The following KIAA1671 variants were observed in gnomAD, a reference collection of about 807,000 sequenced individuals.
The protein encoded by KIAA1671 is KIAA1671.
In KIAA1671, 52 loss-of-function variants were observed where a neutral mutation model predicts 131.2. That is an observed-to-expected ratio of 0.40 (90% CI 0.32 to 0.50). The LOEUF (loss-of-function observed/expected upper bound fraction) is 0.50. KIAA1671 is among the 20% of genes least tolerant of loss of function. KIAA1671 has a pLI of 0.73. For synonymous variants in KIAA1671, 1,003 were observed against 961.6 expected, an observed-to-expected ratio of 1.04 and a Z score of -0.80; for missense variants, 2,360 against 2,364.2, an observed-to-expected ratio of 1.00 and a Z score of 0.04.
intron 6 of KIAA1671, among the ~76,000 whole-genome samples, chr22:25,153,794 C>G (rs1933130643): frequency 6.6e-6 from 1 of 152,210 alleles, no homozygotes. Flanking sequence ...ATCCCAGAGG[C>G]CTTTGGGAGC....
Position 25,004,187 on chromosome 22 carries a change from C to T in KIAA1671, c.-207-21446C>T, listed in dbSNP as rs149866924. On this transcript the variant is annotated intron_variant, in intron 1 of 12. Transcript: ENST00000358431. Reference sequence around the variant, plus strand: ...GTGTTGTGCAGTGGTTTTATCGTAGCTCACTGCAGCCTTGAACTCCTGGGC... The same window carrying T: ...GTGTTGTGCAGTGGTTTTATCGTAGTTCACTGCAGCCTTGAACTCCTGGGC... Among the ~76,000 whole-genome samples, 191 of 151,768 alleles carry T rather than the reference C, an allele frequency of 1.3e-3. 1 individual carries two copies. The highest frequency in any genetic ancestry group is 1.9e-3 in the Non-Finnish European group (126 of 67,972).
chr22:25,072,935 G>A (rs539270755), intron 6 of KIAA1671, among the ~76,000 whole-genome samples: 6 of 152,298 alleles, frequency 3.9e-5, no homozygotes, highest in South Asian at 2.1e-4. Context: ...TTGAACATGC[G>A]TTCATCCATC....
intron 1 of KIAA1671, among the ~76,000 whole-genome samples, chr22:24,977,351 C>T (rs987747402): frequency 6.6e-6 from 1 of 152,212 alleles, no homozygotes; most frequent in East Asian, 1.9e-4. Flanking sequence ...TGGCCCATGC[C>T]TGTTACCATG....
Position 25,049,328 on chromosome 22 carries a change from C to T in KIAA1671, c.4494C>T (p.His1498=), listed in dbSNP as rs1256513235. ...TGGCCTCGGTTCCCTGGAGAAGCCA[C>T]AGCTTCTGCAAAGACAGGAGGAGTG... ...SPVASVPWRS[H]SFCKDRRSGP... is the part of the protein sequence containing the mutation. The change falls in exon 6 of 13, where the codon CAC becomes CAT. Residue 1498 remains histidine (H), a synonymous_variant. Coordinates refer to ENST00000358431, the MANE Select transcript of KIAA1671 (RefSeq NM_001145206.2). 18 of 1,551,538 alleles carry T rather than the reference C, an allele frequency of 1.2e-5. 1 individual carries two copies. The Admixed American group carries it at 2.0e-4, about 17-fold the overall frequency.
intron 6 of KIAA1671, among the ~76,000 whole-genome samples, chr22:25,066,066 A>G (rs1357680021): frequency 6.6e-6 from 1 of 151,998 alleles, no homozygotes; most frequent in Non-Finnish European, 1.5e-5. Context: ...GGTGTTGTCT[A>G]GGTTTTCTCA....
chr22:25,112,999 C>T (rs1431380327), intron 6 of KIAA1671, among the ~76,000 whole-genome samples: 1 of 152,060 alleles, frequency 6.6e-6, no homozygotes, highest in Non-Finnish European at 1.5e-5. Flanking sequence ...TGTGAGTGGG[C>T]CAGGGAGGGA....
At chr22:25,059,748 T>G (rs575364596) in intron 6 of KIAA1671, 14 of 152,298 alleles carry the variant, frequency 9.2e-5, no homozygotes, top group African/African-American at 3.1e-4. Flanking sequence ...GCTGGACAGC[T>G]TGTGTGGCAA....
chr22:25,047,904 T>G (rs2145818143), intron 5 of KIAA1671, among the ~76,000 whole-genome samples: 1 of 152,400 alleles, frequency 6.6e-6, no homozygotes, highest in Non-Finnish European at 1.5e-5. Context: ...GCCTAGCTCT[T>G]GAAGATTTAC....
At chr22:25,072,744 T>C (rs1352260738) in intron 6 of KIAA1671, among the ~76,000 whole-genome samples, 1 of 152,178 alleles carries the variant, frequency 6.6e-6, no homozygotes, top group East Asian at 1.9e-4. Flanking sequence ...ATTTGCTTCT[T>C]GGGGCAATTC....
chr22:25,100,772 T>C (rs1406943946), intron 6 of KIAA1671, among the ~76,000 whole-genome samples: 1 of 152,124 alleles, frequency 6.6e-6, no homozygotes, highest in East Asian at 1.9e-4. Flanking sequence ...AGGCTAGGGA[T>C]TGGGTCTTTG....
chr22:24,956,890 A>G (rs1436270273), intron 1 of KIAA1671, among the ~76,000 whole-genome samples: 1 of 145,526 alleles, frequency 6.9e-6, no homozygotes, highest in Non-Finnish European at 1.5e-5. Context: ...AAAAAAAAAG[A>G]AGGGAGGGAG....
intron 6 of KIAA1671, among the ~76,000 whole-genome samples, chr22:25,164,958 A>G (rs1329395886): frequency 1.1e-5 from 1 of 89,716 alleles, no homozygotes; most frequent in African/African-American, 7.8e-5. Flanking sequence ...GAAAAAAAAA[A>G]AAAGAGAGAG....
chr22:25,104,443 G>A (rs1305950968), intron 6 of KIAA1671, among the ~76,000 whole-genome samples: 1 of 152,182 alleles, frequency 6.6e-6, no homozygotes, highest in Non-Finnish European at 1.5e-5. Context: ...TGGGAGAGGA[G>A]GGGAAGGCAG....
intron 6 of KIAA1671, among the ~76,000 whole-genome samples, chr22:25,071,351 A>C (rs1156643443): frequency 6.6e-6 from 1 of 152,206 alleles, no homozygotes; most frequent in Non-Finnish European, 1.5e-5. Context: ...ATACAACTTT[A>C]GGAAACATTG....
At chr22:24,995,882 T>C (rs1466865742) in intron 1 of KIAA1671, among the ~76,000 whole-genome samples, 1 of 152,202 alleles carries the variant, frequency 6.6e-6, no homozygotes, top group African/African-American at 2.4e-5. Flanking sequence ...CAGATGGAGA[T>C]GACTGGCTCT....
In KIAA1671 at chr22:25,194,220, T is replaced by C. The variant is rs895726587; in HGVS notation, c.*1819T>C. 2.3e-4 allele frequency: 35 copies of C among 152,174 alleles called. 1 individual carries two copies. Among genetic ancestry groups the C allele is most frequent in the African/African-American group, 8.2e-4 (34 of 41,432 alleles). 9.4% of individuals were successfully genotyped at this position (152,174 alleles called of 1,614,324 possible). A position where few individuals can be genotyped will look rare whatever the true frequency, so the allele number is the denominator to read the frequency against. On this transcript the variant is annotated 3_prime_UTR_variant, in exon 13 of 13. Transcript: ENST00000358431. ...TCCCAAGTAGCTGGGACTACAGGTG[T>C]ATGCTACCATGACCAGCTAATTTTT...
In KIAA1671 at chr22:25,184,993, G is replaced by A. The variant is rs1307539626; in HGVS notation, c.5216G>A (p.Arg1739Lys). The part of the protein sequence containing the change: ...PAVLKAQLHK[R>K]PEVDSPGETP... ...TCTCCCCAGGCTCAGCTGCACAAGA[G>A]GCCAGAGGTGGACAGTCCTGGCGAG... The change falls in exon 11 of 13, where the codon AGG becomes AAG. Residue 1739 changes from arginine to lysine, a missense_variant. By Grantham distance (26) the Arg-to-Lys change is conservative. Around this residue, in one of 3 missense-constraint regions of KIAA1671, gnomAD observed 1,161 missense variants for 1,204.7 expected, o/e 0.96. Coordinates refer to ENST00000358431, the MANE Select transcript of KIAA1671 (RefSeq NM_001145206.2). 1.3e-6 allele frequency: 2 copies of A among 1,551,498 alleles called. No individual in the cohort carries two copies. Among genetic ancestry groups the A allele is most frequent in the Non-Finnish European group, 1.7e-6 (2 of 1,147,040 alleles).
rs1602024423 is a variant in KIAA1671, at chr22:24,956,440, C to T, written c.-208+3668C>T. On this transcript the variant is annotated intron_variant, in intron 1 of 12. Coordinates refer to ENST00000358431, the MANE Select transcript of KIAA1671 (RefSeq NM_001145206.2). ...CAGTGGCAAAGCAGGAATTTGAACTCCCTTCCAACTTGCAACTAGTGAATA... is the reference window on the plus strand; with the variant it reads ...CAGTGGCAAAGCAGGAATTTGAACTTCCTTCCAACTTGCAACTAGTGAATA... Among the ~76,000 whole-genome samples the T allele has an allele frequency of 2.6e-5, 4 of 152,310 alleles. No homozygotes were observed. In the South Asian group the frequency reaches 8.3e-4, roughly 32 times the overall value.
chr22:24,973,389 G>GTTTTT lies in KIAA1671; in HGVS notation c.-208+20640_-208+20644dup, dbSNP rs57519039. Among the ~76,000 whole-genome samples the GTTTTT allele has an allele frequency of 3.8e-3, 269 of 71,658 alleles. 33 individuals are homozygous for GTTTTT. Among genetic ancestry groups the GTTTTT allele is most frequent in the African/African-American group, 0.013 (234 of 18,010 alleles). The allele number at this position is 71,658 out of a possible 152,430, so 47.0% of individuals were successfully genotyped here. On this transcript the variant is annotated intron_variant, in intron 1 of 12. Coordinates refer to ENST00000358431, the MANE Select transcript of KIAA1671 (RefSeq NM_001145206.2). ...TACAGACCCCAAACTGCATATGATG[G>GTTTTT]TTTTTTTTTTTTTTTTTTTTTTTTT...
Sources: allele counts gnomAD v4.1 joint callset (sites outside exome capture counted in the v4.1 genomes callset), GRCh38; gene constraint gnomAD v4.1.1; regional missense constraint gnomAD v4.1.1; transcripts MANE v1.5; gene names NCBI Gene and HGNC (gene_info 2026-07-23, HGNC 2026-07-21).